SYT16: variants seen among roughly 807,000 people sequenced by gnomAD.
SYT16 encodes the protein synaptotagmin 16.
A neutral mutation model predicts 61.4 loss-of-function variants in SYT16; 42 were observed. The observed-to-expected ratio is 0.68, with a 90% CI of 0.53 to 0.89. The LOEUF is 0.89. Ranked by LOEUF, SYT16 falls within the 40% of genes least tolerant of loss-of-function variation. SYT16 has a pLI of 0.00. For synonymous variants in SYT16, 314 were observed against 302.3 expected, an observed-to-expected ratio of 1.04 and a Z score of -0.40; for missense variants, 804 against 807.3, an observed-to-expected ratio of 1.00 and a Z score of 0.05.
intron 2 of SYT16, among the ~76,000 whole-genome samples, chr14:61,979,911 T>C (rs1195487724): frequency 1.3e-5 from 2 of 152,104 alleles, no homozygotes; most frequent in African/African-American, 4.8e-5. Flanking sequence ...ACTGGGATAG[T>C]TTTTGACGGT....
At chr14:61,929,127 G>C (rs1009222395) in intron 1 of SYT16, among the ~76,000 whole-genome samples, 3 of 152,208 alleles carry the variant, frequency 2.0e-5, no homozygotes, top group Non-Finnish European at 2.9e-5. Flanking sequence ...GGGATTACTA[G>C]TAAAGACAGT....
At chr14:61,907,125 G>A (rs911884686) in intron 1 of SYT16, among the ~76,000 whole-genome samples, 6 of 152,232 alleles carry the variant, frequency 3.9e-5, no homozygotes, top group African/African-American at 1.4e-4. Flanking sequence ...GGTGAGCTGA[G>A]CAGAGTGATT....
At chr14:62,006,831 T>C (rs1210082490) in intron 3 of SYT16, among the ~76,000 whole-genome samples, 1 of 152,206 alleles carries the variant, frequency 6.6e-6, no homozygotes, top group Non-Finnish European at 1.5e-5. Context: ...AAGCTGTTTT[T>C]TAACCACATA....
chr14:62,109,545 A>T lies in SYT16; in HGVS notation c.*8838A>T, dbSNP rs962299598. 1 of 152,118 alleles carries T rather than the reference A, an allele frequency of 6.6e-6. No homozygotes were observed. Among genetic ancestry groups the T allele is most frequent in the Admixed American group, 6.6e-5 (1 of 15,260 alleles). 9.4% of individuals were successfully genotyped at this position (152,118 alleles called of 1,614,324 possible). A position where few individuals can be genotyped will look rare whatever the true frequency, so the allele number is the denominator to read the frequency against. Reference sequence around the variant, plus strand: ...TTCCAGTCTAGAATAAATTTCACCTATATGATATTGAGCTTGTTTTACATT... The same window carrying T: ...TTCCAGTCTAGAATAAATTTCACCTTTATGATATTGAGCTTGTTTTACATT... On this transcript the variant is annotated 3_prime_UTR_variant, in exon 8 of 8. Transcript: ENST00000683842.
intron 1 of SYT16, among the ~76,000 whole-genome samples, chr14:61,922,211 T>C (rs1316393230): frequency 1.3e-5 from 2 of 152,206 alleles, no homozygotes; most frequent in Non-Finnish European, 1.5e-5. Flanking sequence ...GAAATCATTC[T>C]ACCATAAAGT....
chr14:61,919,488 T>C (rs2049247307), intron 1 of SYT16, among the ~76,000 whole-genome samples: 1 of 152,190 alleles, frequency 6.6e-6, no homozygotes, highest in Non-Finnish European at 1.5e-5. Flanking sequence ...TAGGAGAGAA[T>C]CAGTTTTCTT....
intron 1 of SYT16, among the ~76,000 whole-genome samples, chr14:61,934,851 C>CA (rs1380352372): frequency 6.6e-6 from 1 of 152,180 alleles, no homozygotes; most frequent in African/African-American, 2.4e-5. Flanking sequence ...ATAGTGAAAA[C>CA]AAAGTGGACT....
At chr14:61,862,409 G>A (rs2046992355) in intron 1 of SYT16, among the ~76,000 whole-genome samples, 1 of 152,118 alleles carries the variant, frequency 6.6e-6, no homozygotes, top group Non-Finnish European at 1.5e-5. Context: ...TTAACATAAT[G>A]CTTTGGAGAT....
intron 1 of SYT16, among the ~76,000 whole-genome samples, chr14:61,916,235 C>G (rs1455262355): frequency 6.6e-6 from 1 of 152,024 alleles, no homozygotes; most frequent in Non-Finnish European, 1.5e-5. Context: ...GGATTTCAGT[C>G]TTTGTTCAGG....
intron 1 of SYT16, among the ~76,000 whole-genome samples, chr14:61,886,177 G>T (rs985783708): frequency 1.3e-5 from 2 of 152,048 alleles, no homozygotes; most frequent in Non-Finnish European, 2.9e-5. Flanking sequence ...TGTTGGCCAG[G>T]ATGGTCTCGA....
intron 1 of SYT16, among the ~76,000 whole-genome samples, chr14:61,918,123 T>A (rs1308174176): frequency 6.6e-6 from 1 of 152,152 alleles, no homozygotes; most frequent in Non-Finnish European, 1.5e-5. Flanking sequence ...TATGGAACTT[T>A]TAGTTTTAGT....
chr14:62,077,404 T>C (rs2056534932), intron 5 of SYT16, among the ~76,000 whole-genome samples: 1 of 152,206 alleles, frequency 6.6e-6, no homozygotes, highest in African/African-American at 2.4e-5. Flanking sequence ...GCTCTGCTCT[T>C]CTCTGCTGGC....
intron 1 of SYT16, among the ~76,000 whole-genome samples, chr14:61,933,097 A>C (rs2049841278): frequency 6.6e-6 from 1 of 152,136 alleles, no homozygotes; most frequent in African/African-American, 2.4e-5. Flanking sequence ...GGAAACGCAA[A>C]AGCTTTCAGG....
At chr14:62,055,957 C>G (rs1475001468) in intron 3 of SYT16, among the ~76,000 whole-genome samples, 1 of 151,934 alleles carries the variant, frequency 6.6e-6, no homozygotes, top group Non-Finnish European at 1.5e-5. Flanking sequence ...AGCTGAAGAA[C>G]TTGGAGTCCG....
intron 1 of SYT16, among the ~76,000 whole-genome samples, chr14:61,866,751 A>G (rs929258927): frequency 6.6e-6 from 1 of 152,048 alleles, no homozygotes; most frequent in Non-Finnish European, 1.5e-5. Flanking sequence ...AAAGAGTAAA[A>G]ATTTTAAATT....
chr14:62,018,601 C>G (rs2053794949), intron 3 of SYT16, among the ~76,000 whole-genome samples: 1 of 152,124 alleles, frequency 6.6e-6, no homozygotes. Context: ...GCCATCGTGC[C>G]TGGTCTACCT....
intron 1 of SYT16, among the ~76,000 whole-genome samples, chr14:61,826,156 G>A (rs1421050136): frequency 6.6e-6 from 1 of 150,408 alleles, no homozygotes; most frequent in African/African-American, 2.5e-5. Flanking sequence ...CAGCTCAGGT[G>A]CAAGGTTGGA....
At chr14:62,020,595 C>G (rs2053873034) in intron 3 of SYT16, among the ~76,000 whole-genome samples, 1 of 152,186 alleles carries the variant, frequency 6.6e-6, no homozygotes, top group African/African-American at 2.4e-5. Context: ...AAAAAGTTGT[C>G]CATGTTTTCA....
At chr14:61,844,106 G>C (rs140498936) in intron 1 of SYT16, among the ~76,000 whole-genome samples, 491 of 152,118 alleles carry the variant, frequency 3.2e-3, no homozygotes, top group Non-Finnish European at 5.2e-3. Flanking sequence ...TTTCATTATA[G>C]AGATCTTTTC....
Sources: gnomAD v4.1 joint callset for allele counts (sites outside exome capture counted in the v4.1 genomes callset) on GRCh38, gnomAD v4.1.1 for gene constraint, MANE v1.5 for transcripts, NCBI Gene and HGNC (gene_info 2026-07-23, HGNC 2026-07-21) for gene names.